The following PLEKHG4 variants were observed in gnomAD, a reference collection of about 807,000 sequenced individuals.
PLEKHG4 encodes pleckstrin homology and RhoGEF domain containing G4.
A neutral mutation model predicts 136.9 loss-of-function variants in PLEKHG4; 85 were observed. The observed-to-expected ratio is 0.62, with a 90% CI of 0.52 to 0.74. The LOEUF (loss-of-function observed/expected upper bound fraction) is 0.74. Among genes scored for constraint, PLEKHG4 ranks in the 30% least tolerant of loss-of-function variants. The pLI, the probability that PLEKHG4 is intolerant of heterozygous loss-of-function variation, is 0.00. For synonymous variants in PLEKHG4, 577 were observed against 646.9 expected (o/e 0.89, Z 1.64); for missense variants, 1,317 against 1,527.8 (o/e 0.86, Z 2.30).
At chr16:67,279,047 T>TC (rs2036085461), upstream of PLEKHG4, 1 of 152,064 alleles carries the variant, frequency 6.6e-6, no homozygotes, top group African/African-American at 2.4e-5. Context: ...GCACCCCGCT[T>TC]CCCTACACAG....
intron 18 of PLEKHG4, 168 bp from the exon 19 acceptor site, chr16:67,287,730 C>T (rs1472473640): frequency 7.3e-6 from 5 of 685,910 alleles, no homozygotes; most frequent in African/African-American, 1.8e-5. Flanking sequence ...TGGCACCTGC[C>T]CCACAGGATT....
chr16:67,286,344 A>G lies in PLEKHG4; in HGVS notation c.2513A>G (p.Tyr838Cys), dbSNP rs2036465909. Residue 838 changes from tyrosine to cysteine, a missense_variant, in exon 15 of 22, where the codon TAT (tyrosine) becomes TGT (cysteine). Physicochemically the swap from Tyr to Cys is radical, Grantham distance 194. Coordinates refer to ENST00000379344, the MANE Select transcript of PLEKHG4 (RefSeq NM_001129729.3). ...CGCTCCGATGCCCTGATGTCAAGCT[A>G]TGGGCACACCTTCTTCAAGGTAAGT... is the stretch of plus-strand genomic sequence containing the variant. ...KPRSDALMSS[Y>C]GHTFFKDKQQ... 3.1e-6 allele frequency: 5 copies of G among 1,613,278 alleles called. No individual in the cohort carries two copies. In the African/African-American group the frequency reaches 4.0e-5, roughly 13 times the overall value.
intron 14 of PLEKHG4, 100 bp from the exon 15 acceptor site, chr16:67,286,174 T>C: frequency 1.2e-6 from 1 of 823,726 alleles, no homozygotes; most frequent in Admixed American, 1.7e-5. Context: ...AAGAGGCATC[T>C]ACTGGCATTT....
intron 11 of PLEKHG4, among the ~76,000 whole-genome samples, 167 bp downstream of exon 11, chr16:67,283,025 A>G (rs919336447): frequency 6.6e-6 from 1 of 152,204 alleles, no homozygotes; most frequent in Non-Finnish European, 1.5e-5. Flanking sequence ...CTGTAAACCC[A>G]GGCAAGATCT....
Position 67,284,610 on chromosome 16 carries a change from C to G in PLEKHG4, c.1693-103C>G. On this transcript the variant is annotated intron_variant, in intron 12 of 21. Transcript: ENST00000379344. The surrounding 1 kb of genome is among the most constrained non-coding windows in gnomAD (Gnocchi z 4.4). The stretch of plus-strand genomic sequence containing the variant: ...TAAAACCCAGTCACTGGGGCTGTGT[C>G]CTGGACAGCATCCTGTGGGGATGGG... The G allele has an allele frequency of 6.6e-7, 1 of 1,504,944 alleles. No homozygotes were observed. The highest frequency in any genetic ancestry group is 2.3e-5 in the East Asian group (1 of 42,920). The allele number at this position is 1,504,944 out of a possible 1,614,324, so 93.2% of individuals were successfully genotyped here.
Position 67,282,484 on chromosome 16 carries a change from A to T in PLEKHG4, c.1254-19A>T. On this transcript the variant is annotated intron_variant, in intron 9 of 21. Transcript: ENST00000379344. ...AGTGGTGCAAGGCAGGGGGTCTAAG[A>T]TGGTATACCCTACACCAGGACGGCA... is the stretch of plus-strand genomic sequence containing the variant. 6.2e-7 allele frequency: 1 copy of T among 1,613,826 alleles called. No homozygotes were observed. Among genetic ancestry groups the T allele is most frequent in the Non-Finnish European group, 8.5e-7 (1 of 1,180,014 alleles).
chr16:67,281,869 CAT>C (rs1567433977), intron 7 of PLEKHG4, 32 bp downstream of exon 7: 2 of 1,581,334 alleles, frequency 1.3e-6, no homozygotes, highest in Non-Finnish European at 1.7e-6. Context: ...TGGGGGCAGT[CAT>C]ATAGGCAACT....
chr16:67,287,064 G>A lies in PLEKHG4; in HGVS notation c.2990G>A (p.Arg997His), dbSNP rs371893450. ...NSNLRFEIWF[R>H]RRKARDTFVL... ...AACCTGCGCTTCGAGATCTGGTTCC[G>A]CCGCCGCAAGGCCAGGGACACCTTT... Residue 997 changes from arginine (R) to histidine (H), a missense_variant, in exon 18 of 22, where the codon CGC (arginine) becomes CAC (histidine). Transcript: ENST00000379344. 69 of 1,613,142 alleles carry A rather than the reference G, an allele frequency of 4.3e-5. No individual in the cohort carries two copies. Among genetic ancestry groups the A allele is most frequent in the Middle Eastern group, 1.6e-4 (1 of 6,084 alleles).
intron 5 of PLEKHG4, 75 bp from the exon 6 acceptor site, chr16:67,281,492 C>T (rs995424869): frequency 1.6e-6 from 2 of 1,284,690 alleles, no homozygotes; most frequent in Non-Finnish European, 2.2e-6. Context: ...TCCCAGAGTG[C>T]CGCAATTACA....
At position 67,282,026 on chromosome 16, in the gene PLEKHG4, A is replaced by G. The variant is rs751388375; in HGVS notation, c.1023A>G (p.Leu341=). 1.9e-6 allele frequency: 3 copies of G among 1,613,110 alleles called. No homozygotes were observed. Among genetic ancestry groups the G allele is most frequent in the Non-Finnish European group, 2.5e-6 (3 of 1,179,850 alleles). The change falls in exon 8 of 22, where the codon CTA becomes CTG. Residue 341 remains leucine (L), a synonymous_variant. Coordinates refer to ENST00000379344, the MANE Select transcript of PLEKHG4 (RefSeq NM_001129729.3). ...GCTTACAGCGGCTGGAAGCTCTACT[A>G]CAGAACTGCCAGGCAGCTTGTGCCC... is the stretch of plus-strand genomic sequence containing the variant. ...LDFRRRLEAL[L]QNCQAACALL... is the part of the protein sequence containing the mutation.
At chr16:67,281,421 C>T (rs2036219716) in intron 5 of PLEKHG4, 146 bp from the exon 6 acceptor site, 3 of 761,170 alleles carry the variant, frequency 3.9e-6, no homozygotes, top group Non-Finnish European at 2.3e-6. Context: ...GAGGGGGTTT[C>T]ACCATGTGTT....
chr16:67,287,540 C>T (rs1449129463), intron 18 of PLEKHG4: 6 of 485,530 alleles, frequency 1.2e-5, no homozygotes, highest in African/African-American at 1.2e-4. Context: ...GCTGAGACTA[C>T]AGGCATGTGC....
Position 67,282,115 on chromosome 16 carries a change from T to C in PLEKHG4, c.1104+8T>C. On this transcript the variant is annotated splice_region_variant and intron_variant, in intron 8 of 21. Coordinates refer to ENST00000379344, the MANE Select transcript of PLEKHG4 (RefSeq NM_001129729.3). ...CAGCCCATGGAGCCTGGGGTGAGTG[T>C]CCCCTCCCAGTCCCTCCATGAATGC... 6 of 1,612,648 alleles carry C rather than the reference T, an allele frequency of 3.7e-6. No individual in the cohort carries two copies. Among genetic ancestry groups the C allele is most frequent in the Non-Finnish European group, 5.1e-6 (6 of 1,179,388 alleles).
At chr16:67,285,682 C>G (rs956609019) in intron 14 of PLEKHG4, 146 bp downstream of exon 14, 13 of 880,408 alleles carry the variant, frequency 1.5e-5, no homozygotes, top group African/African-American at 9.9e-5. Flanking sequence ...TGCTCTTAGT[C>G]CAGTAGAGGA....
At chr16:67,285,709 C>T (rs1002565151) in intron 14 of PLEKHG4, among the ~76,000 whole-genome samples, 173 bp downstream of exon 14, 4 of 152,152 alleles carry the variant, frequency 2.6e-5, no homozygotes, top group African/African-American at 4.8e-5. Flanking sequence ...GAAGCAAGAA[C>T]GATACTTGTA....
At chr16:67,282,981 T>C (rs2036303012) in intron 11 of PLEKHG4, 123 bp downstream of exon 11, 1 of 757,536 alleles carries the variant, frequency 1.3e-6, no homozygotes, top group South Asian at 1.5e-5. Flanking sequence ...CCATAGAAGA[T>C]ATCAGTTGTA....
chr16:67,288,656 C>T (rs776577386), intron 21 of PLEKHG4, 52 bp downstream of exon 21: 2 of 1,609,190 alleles, frequency 1.2e-6, no homozygotes, highest in East Asian at 4.5e-5. Flanking sequence ...CCAAGCTGAG[C>T]CTGTGACTGT....
rs1313552871 is a variant in PLEKHG4 at position 67,282,249 on chromosome 16, C to T, written c.1153C>T (p.Leu385=). 2.0e-5 allele frequency: 33 copies of T among 1,613,354 alleles called. No individual in the cohort carries two copies. In the Admixed American group the frequency reaches 5.0e-4, roughly 24 times the overall value. Residue 385 remains leucine, a synonymous_variant, in exon 9 of 22, where the codon CTA becomes TTA. Coordinates refer to ENST00000379344, the MANE Select transcript of PLEKHG4 (RefSeq NM_001129729.3). ...GACAGAGGTCCTGATGCAGCAGGTG[C>T]TAGACTCGCCATGGCTGGCATGGCT... ...QQTEVLMQQV[L]DSPWLAWLQC...
chr16:67,287,830 G>C (rs1471671488), intron 18 of PLEKHG4, 68 bp from the exon 19 acceptor site: 23 of 980,970 alleles, frequency 2.3e-5, no homozygotes, highest in Middle Eastern at 2.0e-4. Flanking sequence ...ACTTATCTGG[G>C]GGGTGGTAGA....
Sources: gnomAD v4.1 joint callset for allele counts (sites outside exome capture counted in the v4.1 genomes callset) on GRCh38, gnomAD v4.1.1 for gene constraint, Gnocchi (gnomAD v3.1) non-coding constraint, MANE v1.5 for transcripts, NCBI Gene and HGNC (gene_info 2026-07-23, HGNC 2026-07-21) for gene names.